The following COL23A1 variants were observed in gnomAD, a reference collection of about 807,000 sequenced individuals.
COL23A1 encodes collagen alpha-1(XXIII) chain.
COL23A1 carries 97 observed loss-of-function variants against 99.3 expected under a neutral mutation model. The observed-to-expected ratio is 0.98, with a 90% CI of 0.83 to 1.16. COL23A1 has a LOEUF of 1.16. Ranked by LOEUF, COL23A1 falls within the 50% of genes most tolerant of loss-of-function variation. The pLI, the probability that COL23A1 is intolerant of heterozygous loss-of-function variation, is 0.00. For missense variants in COL23A1, 762 were observed against 757.4 expected, an observed-to-expected ratio of 1.01 and a Z score of -0.07; for synonymous variants, 320 against 308.2, an observed-to-expected ratio of 1.04 and a Z score of -0.40.
At chr5:178,333,415 C>T (rs891908975) in intron 2 of COL23A1, among the ~76,000 whole-genome samples, 1 of 152,058 alleles carries the variant, frequency 6.6e-6, no homozygotes, top group Non-Finnish European at 1.5e-5. Flanking sequence ...ATGAATCCAG[C>T]GTCCTCCCTC....
rs756408910 is a variant in COL23A1 at position 178,259,761 on chromosome 5, T to TG, written c.703-15dup. On this transcript the variant is annotated splice_polypyrimidine_tract_variant and intron_variant, in intron 11 of 28. Coordinates refer to ENST00000390654, the MANE Select transcript of COL23A1 (RefSeq NM_173465.4). ...TCCAGGCTCACCCTGGGGGAGGCAATGGGGGGTTCAAGAGCAAGGTCAAAA... is the reference window on the plus strand; with the variant it reads ...TCCAGGCTCACCCTGGGGGAGGCAATGGGGGGGTTCAAGAGCAAGGTCAAAA... 5.0e-6 allele frequency: 8 copies of TG among 1,599,882 alleles called. No homozygotes were observed. The South Asian group carries it at 7.9e-5, about 16-fold the overall frequency.
Position 178,590,108 on chromosome 5 carries a change from C to A in COL23A1, c.90G>T (p.Thr30=), listed in dbSNP as rs1367449253. ...GCGCGCTCACCGCCCGGGACCCGGCCGTCGTCGCCGAGCGCCCTCCGCCGC... is the reference window on the plus strand; with the variant it reads ...GCGCGCTCACCGCCCGGGACCCGGCAGTCGTCGCCGAGCGCCCTCCGCCGC... ...GGGGGGRSAT[T]AGSRAVSALC... The change falls in exon 1 of 29, where the codon ACG becomes ACT. Residue 30 remains threonine, a synonymous_variant. Coordinates refer to ENST00000390654, the MANE Select transcript of COL23A1 (RefSeq NM_173465.4). The surrounding 1 kb of genome is among the most constrained non-coding windows in gnomAD (Gnocchi z 5.7). 4.8e-6 allele frequency: 6 copies of A among 1,256,602 alleles called. No individual in the cohort carries two copies. The African/African-American group carries it at 7.9e-5, about 16-fold the overall frequency. The allele number at this position is 1,256,602 out of a possible 1,614,324, so 77.8% of individuals were successfully genotyped here.
rs899039678 is a variant in COL23A1 at position 178,281,530 on chromosome 5, C to T, written c.441+6794G>A. ...CGACTCCAGAGGGGCTTGGGCACGG[C>T]GCTCCGGGGCCCAGGAGGTGCCGTG... On this transcript the variant is annotated intron_variant, in intron 5 of 28. Transcript: ENST00000390654. The surrounding 1 kb of genome is among the most constrained non-coding windows in gnomAD (Gnocchi z 4.0). 2.6e-5 allele frequency among the ~76,000 whole-genome samples: 4 copies of T among 152,098 alleles called. No individual in the cohort carries two copies. The highest frequency in any genetic ancestry group is 4.4e-5 in the Non-Finnish European group (3 of 68,018).
At chr5:178,407,355 G>A (rs554273606) in intron 2 of COL23A1, among the ~76,000 whole-genome samples, 1 of 152,342 alleles carries the variant, frequency 6.6e-6, no homozygotes, top group Middle Eastern at 3.4e-3. Context: ...GGTGTCGGAG[G>A]GGGCCAGCTG....
chr5:178,522,937 G>A (rs966749008), intron 2 of COL23A1, among the ~76,000 whole-genome samples: 1 of 151,622 alleles, frequency 6.6e-6, no homozygotes, highest in African/African-American at 2.4e-5. Flanking sequence ...TTTCGGGAAT[G>A]AGTTGGGCAT....
At chr5:178,431,941 G>A (rs535301591) in intron 2 of COL23A1, among the ~76,000 whole-genome samples, 36 of 152,312 alleles carry the variant, frequency 2.4e-4, no homozygotes, top group African/African-American at 8.4e-4. Context: ...GACTAAACAC[G>A]GGATGGGGGA....
At chr5:178,393,919 G>A (rs1215283414) in intron 2 of COL23A1, among the ~76,000 whole-genome samples, 1 of 152,196 alleles carries the variant, frequency 6.6e-6, no homozygotes, top group Non-Finnish European at 1.5e-5. Context: ...GAGCTACCAA[G>A]CCTGGCTTCT....
chr5:178,239,119 T>C, intron 28 of COL23A1, 22 bp downstream of exon 28: 3 of 1,606,006 alleles, frequency 1.9e-6, no homozygotes, highest in Non-Finnish European at 2.6e-6. Context: ...AAGCCTGCCC[T>C]GGAGACTTCC....
At chr5:178,537,053 C>T (rs143178550) in intron 2 of COL23A1, among the ~76,000 whole-genome samples, 2 of 152,254 alleles carry the variant, frequency 1.3e-5, no homozygotes, top group African/African-American at 2.4e-5. Flanking sequence ...GAGACACATA[C>T]GGCACTGGCC....
intron 2 of COL23A1, among the ~76,000 whole-genome samples, chr5:178,374,830 A>C (rs1387467566): frequency 6.6e-6 from 1 of 152,218 alleles, no homozygotes; most frequent in Non-Finnish European, 1.5e-5. Flanking sequence ...CAAACAGCTA[A>C]GCACAGAGTT....
intron 2 of COL23A1, among the ~76,000 whole-genome samples, chr5:178,446,519 ATTAC>A (rs1767165964): frequency 1.3e-5 from 2 of 152,150 alleles, no homozygotes; most frequent in Admixed American, 1.3e-4. Context: ...ACAAGCTTGT[ATTAC>A]TTCTTTCATT....
intron 2 of COL23A1, among the ~76,000 whole-genome samples, chr5:178,463,232 C>G (rs574639254): frequency 6.6e-6 from 1 of 152,322 alleles, no homozygotes; most frequent in East Asian, 1.9e-4. Context: ...AGGTAAGATG[C>G]AAGTAAATTA....
chr5:178,446,151 A>C (rs962152537), intron 2 of COL23A1, among the ~76,000 whole-genome samples: 3 of 152,106 alleles, frequency 2.0e-5, no homozygotes, highest in Admixed American at 2.0e-4. Flanking sequence ...CTTAAATAGA[A>C]GAGCTTTAAA....
At chr5:178,372,376 T>G (rs550480409) in intron 2 of COL23A1, among the ~76,000 whole-genome samples, 1 of 152,352 alleles carries the variant, frequency 6.6e-6, no homozygotes, top group South Asian at 2.1e-4. Context: ...GACTCTGGTG[T>G]TGGCGTTAGC....
chr5:178,261,602 C>T, intron 11 of COL23A1, 120 bp downstream of exon 11: 1 of 726,888 alleles, frequency 1.4e-6, no homozygotes, highest in Non-Finnish European at 2.5e-6. Flanking sequence ...AATTTGATCT[C>T]CTGACCCTGC....
At chr5:178,358,411 ATG>A (rs1761933058) in intron 2 of COL23A1, among the ~76,000 whole-genome samples, 1 of 117,110 alleles carries the variant, frequency 8.5e-6, no homozygotes, top group African/African-American at 3.0e-5. Context: ...GTATGTGTGT[ATG>A]TGTATGTGTG....
chr5:178,558,221 T>G (rs1426366688), intron 2 of COL23A1, among the ~76,000 whole-genome samples: 1 of 151,858 alleles, frequency 6.6e-6, no homozygotes, highest in East Asian at 1.9e-4. Context: ...AGGACACAGG[T>G]CCATCTGTAG....
Position 178,313,103 on chromosome 5 carries a change from T to G in COL23A1, c.362-6184A>C, listed in dbSNP as rs1758792282. Among the ~76,000 whole-genome samples, 1 of 151,738 alleles carries G rather than the reference T, an allele frequency of 6.6e-6. No homozygotes were observed. The highest frequency in any genetic ancestry group is 1.5e-5 in the Non-Finnish European group (1 of 67,964). On this transcript the variant is annotated intron_variant, in intron 2 of 28. Coordinates refer to ENST00000390654, the MANE Select transcript of COL23A1 (RefSeq NM_173465.4). This position sits in a 1 kb window ranked among gnomAD's most constrained non-coding sequence, Gnocchi z 4.2. The stretch of plus-strand genomic sequence containing the variant: ...AGTAAGCCAGACACAGAAAGACAAA[T>G]ACGGAAGGATTCCACTTCTGGAGGC...
intron 3 of COL23A1, among the ~76,000 whole-genome samples, chr5:178,292,107 TG>T (rs573721190): frequency 4.7e-4 from 72 of 152,230 alleles, no homozygotes; most frequent in Non-Finnish European, 8.7e-4. Context: ...AGCCTGTGCC[TG>T]CATCTGTACC....
Sources: allele counts gnomAD v4.1 joint callset (sites outside exome capture counted in the v4.1 genomes callset), GRCh38; gene constraint gnomAD v4.1.1; non-coding constraint Gnocchi (gnomAD v3.1); transcripts MANE v1.5; gene names NCBI Gene and HGNC (gene_info 2026-07-23, HGNC 2026-07-21).